Variants in TNNI3K observed in about 807,000 individuals in gnomAD.
TNNI3K encodes the protein serine/threonine-protein kinase TNNI3K.
In TNNI3K, 140 loss-of-function variants were observed where a neutral mutation model predicts 114.5. The observed-to-expected ratio is 1.22, with a 90% CI of 1.07 to 1.41. The LOEUF (loss-of-function observed/expected upper bound fraction) is 1.41, where lower values mean the gene tolerates loss of function less well. TNNI3K is among the 40% of genes most tolerant of loss of function. TNNI3K has a pLI of 0.00. For synonymous variants in TNNI3K, 347 were observed against 347.5 expected, an observed-to-expected ratio of 1.00 and a Z score of 0.02; for missense variants, 1,125 against 1,007.6, an observed-to-expected ratio of 1.12 and a Z score of -1.58.
intron 5 of TNNI3K, among the ~76,000 whole-genome samples, chr1:74,295,933 C>T (rs1296670733): frequency 6.6e-6 from 1 of 151,956 alleles, no homozygotes; most frequent in Non-Finnish European, 1.5e-5. Flanking sequence ...AGTATTTTTA[C>T]TGGTCTCTGA....
At chr1:74,304,060 A>G (rs1392463728) in intron 5 of TNNI3K, among the ~76,000 whole-genome samples, 2 of 152,234 alleles carry the variant, frequency 1.3e-5, no homozygotes, top group African/African-American at 2.4e-5. Context: ...TTCCTAAGAT[A>G]AAATCTACTC....
In TNNI3K at chr1:74,378,618, ATATATATAT is replaced by A. The variant is rs1172365604; in HGVS notation, c.1772+8227_1772+8235del. 4 of 85,394 alleles carry A rather than the reference ATATATATAT, an allele frequency of 4.7e-5. 1 individual carries two copies. The highest frequency in any genetic ancestry group is 1.9e-4 in the African/African-American group (4 of 20,986). The allele number at this position is 85,394 out of a possible 1,614,324, so 5.3% of individuals were successfully genotyped here. A position where few individuals can be genotyped will look rare whatever the true frequency, so the allele number is the denominator to read the frequency against. ...TTTATATATATATATATATATATAT[ATATATATAT>A]ATATATATATATATTTCATTTCATC... On this transcript the variant is annotated intron_variant, in intron 17 of 24. Coordinates refer to ENST00000326637, the MANE Select transcript of TNNI3K (RefSeq NM_015978.3).
chr1:74,493,096 A>T (rs274605), intron 23 of TNNI3K, among the ~76,000 whole-genome samples: 1 of 151,940 alleles, frequency 6.6e-6, no homozygotes, highest in Non-Finnish European at 1.5e-5. Context: ...ATTTAGTCAC[A>T]TGGGAGGCTA....
At chr1:74,528,425 G>T (rs1178796731) in intron 23 of TNNI3K, among the ~76,000 whole-genome samples, 1 of 152,142 alleles carries the variant, frequency 6.6e-6, no homozygotes, top group East Asian at 1.9e-4. Flanking sequence ...TGAGAGTGAG[G>T]AAGCCTTCTG....
At chr1:74,404,359 C>G (rs1664513101) in intron 17 of TNNI3K, among the ~76,000 whole-genome samples, 1 of 151,920 alleles carries the variant, frequency 6.6e-6, no homozygotes. Flanking sequence ...TTAATTTCAT[C>G]AGGTTTGACA....
chr1:74,251,006 G>C (rs1654896560), intron 4 of TNNI3K, among the ~76,000 whole-genome samples: 1 of 152,036 alleles, frequency 6.6e-6, no homozygotes, highest in Non-Finnish European at 1.5e-5. Context: ...AACCCCATGA[G>C]TGAATATGAT....
intron 17 of TNNI3K, among the ~76,000 whole-genome samples, chr1:74,394,836 A>C (rs904408970): frequency 1.3e-5 from 2 of 152,114 alleles, no homozygotes; most frequent in African/African-American, 4.8e-5. Context: ...TGAGGTCAGG[A>C]GATCCAGACC....
intron 5 of TNNI3K, among the ~76,000 whole-genome samples, chr1:74,330,515 G>A (rs1660139528): frequency 6.6e-6 from 1 of 152,088 alleles, no homozygotes; most frequent in South Asian, 2.1e-4. Flanking sequence ...GCTCTACAAA[G>A]TTATTGTAAA....
At chr1:74,347,311 C>G (rs1400292264) in intron 9 of TNNI3K, among the ~76,000 whole-genome samples, 9 of 151,896 alleles carry the variant, frequency 5.9e-5, no homozygotes, top group Non-Finnish European at 1.3e-4. Flanking sequence ...TCATCCATGT[C>G]CCTACAAAGG....
chr1:74,258,989 A>G (rs1253199671), intron 4 of TNNI3K, among the ~76,000 whole-genome samples: 1 of 152,178 alleles, frequency 6.6e-6, no homozygotes, highest in African/African-American at 2.4e-5. Context: ...TGGCAACTCA[A>G]ATTATGGTCA....
chr1:74,367,477 A>G (rs1662336109), intron 12 of TNNI3K, 135 bp downstream of exon 12: 5 of 912,812 alleles, frequency 5.5e-6, no homozygotes, highest in Non-Finnish European at 8.0e-6. Context: ...ATTTATTTTA[A>G]GTAACCTTAT....
At chr1:74,444,818 GAAA>G (rs202232808) in intron 20 of TNNI3K, among the ~76,000 whole-genome samples, 1 of 141,624 alleles carries the variant, frequency 7.1e-6, no homozygotes, top group Admixed American at 7.1e-5. Context: ...ATGGTACTGG[GAAA>G]AAAAAAAAAG....
At chr1:74,419,971 T>G (rs993172037) in intron 17 of TNNI3K, among the ~76,000 whole-genome samples, 1 of 151,954 alleles carries the variant, frequency 6.6e-6, no homozygotes, top group African/African-American at 2.4e-5. Context: ...TGGCTATACA[T>G]CAAAGAAGAA....
At chr1:74,445,581 T>C (rs1666607888) in intron 20 of TNNI3K, among the ~76,000 whole-genome samples, 1 of 151,236 alleles carries the variant, frequency 6.6e-6, no homozygotes, top group Admixed American at 6.6e-5. Context: ...TAGTATTCCA[T>C]GGTGTATATG....
At chr1:74,427,362 C>G (rs1212772517) in intron 17 of TNNI3K, among the ~76,000 whole-genome samples, 1 of 150,820 alleles carries the variant, frequency 6.6e-6, no homozygotes, top group Non-Finnish European at 1.5e-5. Flanking sequence ...TAATTATTAC[C>G]TTTTCATACT....
chr1:74,321,104 A>G lies in TNNI3K; in HGVS notation c.445-10346A>G, dbSNP rs75311993. Among the ~76,000 whole-genome samples the G allele has an allele frequency of 8.0e-3, 1,222 of 152,276 alleles. 17 individuals are homozygous for G. Among genetic ancestry groups the G allele is most frequent in the African/African-American group, 0.028 (1,164 of 41,568 alleles). On this transcript the variant is annotated intron_variant, in intron 5 of 24. Transcript: ENST00000326637. Reference sequence around the variant, plus strand: ...TCCCTAAAACAGAATTTTGGCTTTTAAAATGCATAGAACATGATGTGGTCA... The same window carrying G: ...TCCCTAAAACAGAATTTTGGCTTTTGAAATGCATAGAACATGATGTGGTCA...
At chr1:74,464,290 A>G (rs1342568756) in intron 21 of TNNI3K, among the ~76,000 whole-genome samples, 2 of 152,328 alleles carry the variant, frequency 1.3e-5, no homozygotes, top group African/African-American at 2.4e-5. Flanking sequence ...TCCAGTGTCT[A>G]GTAATCCTTC....
At chr1:74,503,587 T>A (rs958423777) in intron 23 of TNNI3K, among the ~76,000 whole-genome samples, 1 of 152,200 alleles carries the variant, frequency 6.6e-6, no homozygotes, top group African/African-American at 2.4e-5. Flanking sequence ...AAGACCATTT[T>A]TTTTTAGGAT....
At position 74,430,548 on chromosome 1, in the gene TNNI3K, T is replaced by C. The variant is rs1033099701; in HGVS notation, c.1773-5532T>C. Among the ~76,000 whole-genome samples, 5 of 152,152 alleles carry C rather than the reference T, an allele frequency of 3.3e-5. No homozygotes were observed. The South Asian group carries it at 1.0e-3, about 31-fold the overall frequency. On this transcript the variant is annotated intron_variant, in intron 17 of 24. Coordinates refer to ENST00000326637, the MANE Select transcript of TNNI3K (RefSeq NM_015978.3). ...GAAGAAAGAACTGAAGGTCAGAGCA[T>C]GGATTCTATTCACATCGCTTATTCA...
Sources: allele counts gnomAD v4.1 joint callset (sites outside exome capture counted in the v4.1 genomes callset), GRCh38; gene constraint gnomAD v4.1.1; transcripts MANE v1.5; gene names NCBI Gene and HGNC (gene_info 2026-07-23, HGNC 2026-07-21).